Variants in RUNX1T1 observed in about 807,000 individuals in gnomAD.
The protein encoded by RUNX1T1 is RUNX1 partner transcriptional co-repressor 1, also known as protein CBFA2T1.
RUNX1T1 carries 4 observed loss-of-function variants against 62.8 expected under a neutral mutation model. That is an observed-to-expected ratio of 0.06 (90% confidence interval 0.03 to 0.15). The LOEUF (loss-of-function observed/expected upper bound fraction) is 0.15. RUNX1T1 is among the 10% of genes least tolerant of loss of function. The pLI, the probability that RUNX1T1 is intolerant of heterozygous loss-of-function variation, is 1.00. For synonymous variants in RUNX1T1, 291 were observed against 286.0 expected, an observed-to-expected ratio of 1.02 and a Z score of -0.18; for missense variants, 508 against 754.3, an observed-to-expected ratio of 0.67 and a Z score of 3.82.
chr8:91,990,645 CTTT>C (rs34688927), intron 6 of RUNX1T1, among the ~76,000 whole-genome samples: 1 of 145,606 alleles, frequency 6.9e-6, no homozygotes, highest in Admixed American at 6.9e-5. Flanking sequence ...TGCTTTACTA[CTTT>C]TTTTTTTTTT....
At chr8:91,966,288 T>C (rs1811596959) in intron 10 of RUNX1T1, among the ~76,000 whole-genome samples, 1 of 151,810 alleles carries the variant, frequency 6.6e-6, no homozygotes, top group African/African-American at 2.4e-5. Context: ...GTGAGGTCCC[T>C]ATGTTTTATT....
At chr8:91,978,665 A>C (rs1814513527) in intron 8 of RUNX1T1, among the ~76,000 whole-genome samples, 1 of 152,152 alleles carries the variant, frequency 6.6e-6, no homozygotes. Context: ...TGGAAGCAAA[A>C]TCTTCAAATT....
At chr8:92,009,430 G>GA (rs1227488978) in intron 4 of RUNX1T1, among the ~76,000 whole-genome samples, 1 of 151,362 alleles carries the variant, frequency 6.6e-6, no homozygotes, top group Non-Finnish European at 1.5e-5. Flanking sequence ...ACTAAAATTA[G>GA]AAAAAAAAGT....
intron 5 of RUNX1T1, among the ~76,000 whole-genome samples, chr8:92,004,266 T>C (rs1036697233): frequency 6.6e-6 from 1 of 152,226 alleles, no homozygotes; most frequent in African/African-American, 2.4e-5. Flanking sequence ...GCAAAGTATA[T>C]GCTAAATAAG....
chr8:92,102,923 G>T (rs1442164818), upstream of RUNX1T1: 1 of 1,510,330 alleles, frequency 6.6e-7, no homozygotes, highest in Non-Finnish European at 8.8e-7. The surrounding 1 kb of genome is among the most constrained non-coding windows in gnomAD (Gnocchi z 4.5). Flanking sequence ...ACTTCCCGTC[G>T]TCTCGGCCGG....
intron 10 of RUNX1T1, among the ~76,000 whole-genome samples, chr8:91,964,976 G>A (rs1410467874): frequency 1.3e-5 from 2 of 152,146 alleles, no homozygotes; most frequent in African/African-American, 4.8e-5. Flanking sequence ...ATAACTGCAG[G>A]ATTATTCAGG....
intron 4 of RUNX1T1, chr8:92,006,594 T>C (rs1238174741): frequency 6.6e-6 from 1 of 152,048 alleles, no homozygotes; most frequent in Non-Finnish European, 1.5e-5. Context: ...TTTCCTTCAG[T>C]GCTCTTTATT....
At chr8:92,076,398 C>A (rs1342687278) in intron 1 of RUNX1T1, among the ~76,000 whole-genome samples, 3 of 152,180 alleles carry the variant, frequency 2.0e-5, no homozygotes, top group Non-Finnish European at 2.9e-5. Flanking sequence ...GAAAGCTCTT[C>A]TTTTCTTAAA....
chr8:92,052,239 C>T (rs1307439289), intron 1 of RUNX1T1, among the ~76,000 whole-genome samples: 1 of 152,152 alleles, frequency 6.6e-6, no homozygotes, highest in African/African-American at 2.4e-5. Context: ...ACTTCCAAGA[C>T]TAACTGATAT....
chr8:91,985,000 T>C (rs1411929260), intron 8 of RUNX1T1, among the ~76,000 whole-genome samples: 1 of 152,166 alleles, frequency 6.6e-6, no homozygotes, highest in African/African-American at 2.4e-5. Flanking sequence ...CCTAAGTGCA[T>C]AGGAAACTAC....
At chr8:92,103,142 G>A, upstream of RUNX1T1, 1 of 385,546 alleles carries the variant, frequency 2.6e-6, no homozygotes, top group Non-Finnish European at 4.6e-6. Context: ...CAGAGCCCAA[G>A]ACTTGCGGAG....
At chr8:91,979,876 T>C (rs1263614839) in intron 8 of RUNX1T1, 1 of 531,684 alleles carries the variant, frequency 1.9e-6, no homozygotes, top group South Asian at 1.5e-5. Context: ...TGTGACCTCA[T>C]ATGACCCAGG....
At chr8:91,994,643 G>A (rs1242758607) in intron 5 of RUNX1T1, 1 of 502,174 alleles carries the variant, frequency 2.0e-6, no homozygotes, top group African/African-American at 1.9e-5. Flanking sequence ...GAAAGGGTTG[G>A]ACTAGATCAG....
At chr8:92,099,013 GATA>G (rs139814588) in intron 1 of RUNX1T1, among the ~76,000 whole-genome samples, 4 of 152,274 alleles carry the variant, frequency 2.6e-5, no homozygotes, top group Non-Finnish European at 5.9e-5. Flanking sequence ...GGTGTCTCTA[GATA>G]ATAATAAATA....
chr8:92,028,994 G>A (rs1023256875), intron 1 of RUNX1T1, among the ~76,000 whole-genome samples: 13 of 152,180 alleles, frequency 8.5e-5, no homozygotes, highest in Admixed American at 5.2e-4. Context: ...TTATAGAGAA[G>A]GTTCAGAGAG....
chr8:91,962,457 A>G (rs1289899251), intron 10 of RUNX1T1, among the ~76,000 whole-genome samples: 1 of 152,224 alleles, frequency 6.6e-6, no homozygotes, highest in East Asian at 1.9e-4. Context: ...AGAACAAAAC[A>G]ATTTTTTCCT....
At chr8:92,025,233 GA>G (rs776006337) in intron 1 of RUNX1T1, among the ~76,000 whole-genome samples, 7 of 152,130 alleles carry the variant, frequency 4.6e-5, no homozygotes, top group Non-Finnish European at 5.9e-5. Context: ...CCAATGGTGT[GA>G]CCAGAGATCC....
At chr8:92,100,181 C>T (rs1457792960), upstream of RUNX1T1, among the ~76,000 whole-genome samples, 2 of 152,128 alleles carry the variant, frequency 1.3e-5, no homozygotes, top group South Asian at 4.2e-4. Flanking sequence ...CATTTTAACA[C>T]AAATTATTAG....
intron 2 of RUNX1T1, among the ~76,000 whole-genome samples, chr8:92,070,802 A>C (rs1351738168): frequency 6.6e-6 from 1 of 152,260 alleles, no homozygotes; most frequent in Non-Finnish European, 1.5e-5. Flanking sequence ...ACATATGTGC[A>C]TCTAAAGGGT....
Sources: allele counts gnomAD v4.1 joint callset (sites outside exome capture counted in the v4.1 genomes callset), GRCh38; gene constraint gnomAD v4.1.1; non-coding constraint Gnocchi (gnomAD v3.1); transcripts MANE v1.5; gene names NCBI Gene and HGNC (gene_info 2026-07-23, HGNC 2026-07-21).